The following PPM1E variants were observed in gnomAD, a reference collection of about 807,000 sequenced individuals.
PPM1E encodes protein phosphatase 1E.
In PPM1E, 20 loss-of-function variants were observed where a neutral mutation model predicts 65.9. The ratio of observed to expected loss-of-function variants is 0.30; its 90% CI spans 0.21 to 0.44. The LOEUF (loss-of-function observed/expected upper bound fraction) is 0.44, where lower values mean the gene tolerates loss of function less well. Among genes scored for constraint, PPM1E ranks in the 20% least tolerant of loss-of-function variants. PPM1E has a pLI of 1.00. For missense variants in PPM1E, 713 were observed against 953.1 expected (o/e 0.75, Z 3.32); for synonymous variants, 352 against 374.9 (o/e 0.94, Z 0.70).
intron 1 of PPM1E, among the ~76,000 whole-genome samples, chr17:58,869,362 A>C (rs1487707135): frequency 6.6e-6 from 1 of 152,174 alleles, no homozygotes; most frequent in Non-Finnish European, 1.5e-5. Context: ...GGAGGGACCT[A>C]GTGGGAGATG....
intron 1 of PPM1E, among the ~76,000 whole-genome samples, chr17:58,795,167 C>G (rs1474891511): frequency 6.6e-6 from 1 of 152,070 alleles, no homozygotes; most frequent in East Asian, 1.9e-4. Flanking sequence ...GCTGAGATTA[C>G]AGGCATGATC....
At chr17:58,824,560 C>G (rs2050513033) in intron 1 of PPM1E, among the ~76,000 whole-genome samples, 1 of 151,076 alleles carries the variant, frequency 6.6e-6, no homozygotes, top group Non-Finnish European at 1.5e-5. Context: ...GTTGCTTTAG[C>G]TGCTAATAAT....
intron 1 of PPM1E, among the ~76,000 whole-genome samples, chr17:58,907,033 G>A (rs573627957): frequency 2.0e-5 from 3 of 152,232 alleles, no homozygotes; most frequent in African/African-American, 2.4e-5. Context: ...TCAGGAGATC[G>A]AGACCATCCT....
At position 58,886,720 on chromosome 17, in the gene PPM1E, G is replaced by A. The variant is rs556225046; in HGVS notation, c.465-68929G>A. 8.8e-4 allele frequency among the ~76,000 whole-genome samples: 134 copies of A among 152,288 alleles called. 1 individual carries two copies. Among genetic ancestry groups the A allele is most frequent in the African/African-American group, 3.2e-3 (133 of 41,564 alleles). On this transcript the variant is annotated intron_variant, in intron 1 of 6. Coordinates refer to ENST00000308249, the MANE Select transcript of PPM1E (RefSeq NM_014906.5). ...TGGAATACTACTAAGCAATTAAAAA[G>A]AACAAATGATGCATGCTTTAACATC... is the stretch of plus-strand genomic sequence containing the variant.
intron 1 of PPM1E, among the ~76,000 whole-genome samples, chr17:58,847,331 A>G (rs543374882): frequency 2.0e-5 from 3 of 152,180 alleles, no homozygotes; most frequent in African/African-American, 7.2e-5. Flanking sequence ...TGTTTTAGTC[A>G]TGAAGTCCTT....
At chr17:58,779,345 G>A (rs138321372) in intron 1 of PPM1E, among the ~76,000 whole-genome samples, 1 of 151,856 alleles carries the variant, frequency 6.6e-6, no homozygotes, top group Non-Finnish European at 1.5e-5. Context: ...CTAGTTTTTT[G>A]TATTTTTAGT....
At chr17:58,802,084 T>C (rs986974602) in intron 1 of PPM1E, among the ~76,000 whole-genome samples, 1 of 152,184 alleles carries the variant, frequency 6.6e-6, no homozygotes, top group African/African-American at 2.4e-5. Flanking sequence ...TGAGGTGTGA[T>C]TGACAAACAA....
At chr17:58,904,113 A>G (rs2051527834) in intron 1 of PPM1E, among the ~76,000 whole-genome samples, 1 of 152,184 alleles carries the variant, frequency 6.6e-6, no homozygotes, top group African/African-American at 2.4e-5. Context: ...AGATAGTGAA[A>G]AATGTGTGAA....
At chr17:58,816,557 C>T (rs1206289131) in intron 1 of PPM1E, among the ~76,000 whole-genome samples, 1 of 150,798 alleles carries the variant, frequency 6.6e-6, no homozygotes, top group African/African-American at 2.4e-5. Context: ...TTTCTTCCTT[C>T]CCCCATCCCC....
chr17:58,967,515 TATATAG>T (rs1158990736), intron 3 of PPM1E, among the ~76,000 whole-genome samples: 99 of 149,108 alleles, frequency 6.6e-4, no homozygotes, highest in African/African-American at 2.4e-3. Context: ...TATATATATA[TATATAG>T]AGAGAGAGAG....
intron 1 of PPM1E, among the ~76,000 whole-genome samples, chr17:58,871,491 A>G (rs1033780844): frequency 1.3e-5 from 2 of 152,102 alleles, no homozygotes; most frequent in Non-Finnish European, 2.9e-5. Context: ...TTGTCCTCAT[A>G]AAGAGCCTTT....
At chr17:58,838,279 T>A (rs1455346411) in intron 1 of PPM1E, among the ~76,000 whole-genome samples, 1 of 152,136 alleles carries the variant, frequency 6.6e-6, no homozygotes, top group African/African-American at 2.4e-5. Flanking sequence ...GCAAAACACA[T>A]ATCTGATAAA....
chr17:58,823,921 AG>A (rs2050505825), intron 1 of PPM1E, among the ~76,000 whole-genome samples: 1 of 151,866 alleles, frequency 6.6e-6, no homozygotes, highest in South Asian at 2.1e-4. Flanking sequence ...TAGTAGAGAC[AG>A]GGTTTCACCA....
intron 1 of PPM1E, among the ~76,000 whole-genome samples, chr17:58,891,536 G>T (rs1353502625): frequency 6.6e-6 from 1 of 151,622 alleles, no homozygotes; most frequent in Non-Finnish European, 1.5e-5. Context: ...TATTGGCCAG[G>T]CTGGTCTCGA....
intron 1 of PPM1E, among the ~76,000 whole-genome samples, chr17:58,909,987 C>G (rs913627406): frequency 3.9e-5 from 5 of 128,694 alleles, no homozygotes; most frequent in African/African-American, 1.2e-4. Context: ...ACTGCAAACT[C>G]CACCTCCTGG....
intron 1 of PPM1E, among the ~76,000 whole-genome samples, chr17:58,859,722 G>A (rs2050918874): frequency 6.6e-6 from 1 of 152,218 alleles, no homozygotes; most frequent in Non-Finnish European, 1.5e-5. Context: ...CAAAGTAGCA[G>A]TAAGACAAAA....
chr17:58,898,899 A>C (rs558213107), intron 1 of PPM1E, among the ~76,000 whole-genome samples: 1 of 151,998 alleles, frequency 6.6e-6, no homozygotes, highest in Non-Finnish European at 1.5e-5. Flanking sequence ...TGAGCAAACT[A>C]TCACAAGGAC....
At chr17:58,948,069 A>G (rs1228908998) in intron 1 of PPM1E, among the ~76,000 whole-genome samples, 1 of 152,174 alleles carries the variant, frequency 6.6e-6, no homozygotes, top group East Asian at 1.9e-4. Flanking sequence ...AAGAAGAGGA[A>G]GCCGGGGGAA....
chr17:58,792,636 A>G (rs1390007), intron 1 of PPM1E, among the ~76,000 whole-genome samples: 1 of 150,928 alleles, frequency 6.6e-6, no homozygotes, highest in African/African-American at 2.4e-5. Context: ...AGCGTGAGCC[A>G]CTGTGCCTGG....
Sources: allele counts gnomAD v4.1 joint callset (sites outside exome capture counted in the v4.1 genomes callset), GRCh38; gene constraint gnomAD v4.1.1; transcripts MANE v1.5; gene names NCBI Gene and HGNC (gene_info 2026-07-23, HGNC 2026-07-21).